AAK1: variants seen among roughly 807,000 people sequenced by gnomAD.
The protein encoded by AAK1 is AP2-associated protein kinase 1.
AAK1 carries 37 observed loss-of-function variants against 116.0 expected under a neutral mutation model. The observed-to-expected ratio is 0.32, with a 90% CI of 0.25 to 0.42. The LOEUF (loss-of-function observed/expected upper bound fraction) is 0.42. AAK1 is among the 10% of genes least tolerant of loss of function. AAK1 has a pLI of 1.00. For missense variants in AAK1, 919 were observed against 1,170.6 expected, an observed-to-expected ratio of 0.79 and a Z score of 3.14; for synonymous variants, 458 against 439.9, an observed-to-expected ratio of 1.04 and a Z score of -0.51.
At position 69,475,343 on chromosome 2, in the gene AAK1, C is replaced by T. The variant is rs533929537; in HGVS notation, c.*526G>A. On this transcript the variant is annotated 3_prime_UTR_variant, in exon 22 of 22. Transcript: ENST00000409085. ...GTAAGTTTTACCCTTTCTTAAACCA[C>T]ACACCCATCTCCAGGCTACTGCCTA... The T allele has an allele frequency of 1.0e-6, 1 of 986,760 alleles. No homozygotes were observed. The highest frequency in any genetic ancestry group is 1.7e-5 in the African/African-American group (1 of 57,366). 61.1% of individuals were successfully genotyped at this position (986,760 alleles called of 1,614,324 possible).
intron 2 of AAK1, among the ~76,000 whole-genome samples, chr2:69,576,696 A>T (rs1389914018): frequency 6.6e-6 from 1 of 152,226 alleles, no homozygotes; most frequent in African/African-American, 2.4e-5. Context: ...AATGAAAATG[A>T]TTAGCTCAAT....
intron 2 of AAK1, among the ~76,000 whole-genome samples, chr2:69,577,518 C>A (rs1483797717): frequency 6.6e-6 from 1 of 152,164 alleles, no homozygotes; most frequent in Non-Finnish European, 1.5e-5. Flanking sequence ...ATCCCCTCTA[C>A]CCTCCATGAC....
Position 69,492,401 on chromosome 2 carries a change from A to G in AAK1, c.2365+3584T>C, listed in dbSNP as rs186556446. Reference sequence around the variant, plus strand: ...GCTAATTTTTGTATTTTTAGTAGAGACAGGGTCCCACCATGTTGGCCAGAT... The same window carrying G: ...GCTAATTTTTGTATTTTTAGTAGAGGCAGGGTCCCACCATGTTGGCCAGAT... On this transcript the variant is annotated intron_variant, in intron 17 of 21. Coordinates refer to ENST00000409085, the MANE Select transcript of AAK1 (RefSeq NM_014911.5). Among the ~76,000 whole-genome samples the G allele has an allele frequency of 2.1e-3, 322 of 152,014 alleles. 4 individuals carry two copies. The highest frequency in any genetic ancestry group is 3.5e-3 in the Non-Finnish European group (241 of 67,986).
intron 17 of AAK1, among the ~76,000 whole-genome samples, chr2:69,484,091 T>C (rs929310388): frequency 6.6e-6 from 1 of 152,236 alleles, no homozygotes; most frequent in Non-Finnish European, 1.5e-5. Flanking sequence ...GTCAACAACG[T>C]TCTTTTAAAC....
intron 17 of AAK1, among the ~76,000 whole-genome samples, chr2:69,486,518 T>C (rs1675308248): frequency 1.3e-5 from 2 of 151,982 alleles, no homozygotes; most frequent in Admixed American, 1.3e-4. Flanking sequence ...GGCACAAAGC[T>C]GGGAGTGAGA....
In AAK1 at chr2:69,471,583, C is replaced by A. The variant is rs76968937; in HGVS notation, c.*4286G>T. 1,754 of 985,410 alleles carry A rather than the reference C, an allele frequency of 1.8e-3. 38 individuals are homozygous for A. In the African/African-American group the frequency reaches 0.028, roughly 16 times the overall value. The allele number at this position is 985,410 out of a possible 1,614,324, so 61.0% of individuals were successfully genotyped here. On this transcript the variant is annotated 3_prime_UTR_variant, in exon 22 of 22. Coordinates refer to ENST00000409085, the MANE Select transcript of AAK1 (RefSeq NM_014911.5). ...AACCCGGCACACTGGGCAATCCTGT[C>A]ATTTTCATCCCAAAGCTCAAAGTTA...
At chr2:69,527,517 G>T (rs1006396419) in intron 8 of AAK1, among the ~76,000 whole-genome samples, 198 bp from the exon 9 acceptor site, 3 of 151,932 alleles carry the variant, frequency 2.0e-5, no homozygotes, top group African/African-American at 7.3e-5. Flanking sequence ...ATATCCATAA[G>T]AAAATAAAAT....
intron 16 of AAK1, among the ~76,000 whole-genome samples, chr2:69,497,334 G>T (rs1469360368): frequency 9.7e-6 from 1 of 102,876 alleles, no homozygotes; most frequent in Non-Finnish European, 1.8e-5. Context: ...ATGGAGTCTT[G>T]CTCTGTTGCC....
At chr2:69,529,913 T>G in intron 8 of AAK1, 95 bp downstream of exon 8, 1 of 1,113,318 alleles carries the variant, frequency 9.0e-7, no homozygotes, top group Non-Finnish European at 1.2e-6. Context: ...CCTTTGCATC[T>G]AACTCATTAC....
chr2:69,580,778 C>T (rs1204117729), intron 2 of AAK1, among the ~76,000 whole-genome samples: 2 of 152,200 alleles, frequency 1.3e-5, no homozygotes, highest in Non-Finnish European at 2.9e-5. Context: ...CTCAGCTCTC[C>T]TATCTATAAA....
chr2:69,479,153 C>T (rs1674986753), intron 19 of AAK1, 92 bp from the exon 20 acceptor site: 2 of 912,924 alleles, frequency 2.2e-6, no homozygotes, highest in African/African-American at 3.3e-5. Flanking sequence ...TTTTAAGTTA[C>T]TGCATTTACA....
At chr2:69,531,787 T>C (rs1318310534) in intron 6 of AAK1, 1 of 1,209,092 alleles carries the variant, frequency 8.3e-7, no homozygotes, top group Admixed American at 3.7e-5. Flanking sequence ...AATCAAAACA[T>C]CTATGTACAA....
chr2:69,485,497 T>C (rs1014670030), intron 17 of AAK1, among the ~76,000 whole-genome samples: 1 of 151,882 alleles, frequency 6.6e-6, no homozygotes, highest in Non-Finnish European at 1.5e-5. Context: ...TGGAGCATCC[T>C]GCACTCAATT....
In AAK1 at chr2:69,528,883, C is replaced by T. The variant is rs78263446; in HGVS notation, c.871+1125G>A. 7.4e-3 allele frequency among the ~76,000 whole-genome samples: 1,121 copies of T among 152,282 alleles called. 14 individuals carry two copies. The highest frequency in any genetic ancestry group is 0.026 in the African/African-American group (1,073 of 41,562). On this transcript the variant is annotated intron_variant, in intron 8 of 21. Coordinates refer to ENST00000409085, the MANE Select transcript of AAK1 (RefSeq NM_014911.5). The stretch of plus-strand genomic sequence containing the variant: ...CAAAGTTGGCCATTTTCCCATATTT[C>T]CTACCAATCTCACTTACATACCTGG...
At chr2:69,624,057 A>G (rs1674789000) in intron 2 of AAK1, among the ~76,000 whole-genome samples, 1 of 152,170 alleles carries the variant, frequency 6.6e-6, no homozygotes. Flanking sequence ...AGAAAAAGAA[A>G]AGAGAAGGAA....
intron 2 of AAK1, among the ~76,000 whole-genome samples, chr2:69,637,920 T>A (rs1675521186): frequency 6.6e-6 from 1 of 152,232 alleles, no homozygotes; most frequent in Admixed American, 6.5e-5. Flanking sequence ...TTATTTGTTA[T>A]TAAATGAGCT....
At chr2:69,592,069 A>G (rs1372561190) in intron 2 of AAK1, among the ~76,000 whole-genome samples, 1 of 152,222 alleles carries the variant, frequency 6.6e-6, no homozygotes, top group African/African-American at 2.4e-5. Context: ...AAGAACCAAG[A>G]TCTTTCATTG....
At chr2:69,567,130 T>C (rs2105109632) in intron 2 of AAK1, among the ~76,000 whole-genome samples, 1 of 152,322 alleles carries the variant, frequency 6.6e-6, no homozygotes, top group South Asian at 2.1e-4. Context: ...GAGCCTTCTT[T>C]CTTCTTCAGC....
In AAK1 at chr2:69,469,997, A is replaced by C; in HGVS notation, c.*5872T>G. 1 of 985,408 alleles carries C rather than the reference A, an allele frequency of 1.0e-6. No homozygotes were observed. The highest frequency in any genetic ancestry group is 4.7e-5 in the South Asian group (1 of 21,282). 61.0% of individuals were successfully genotyped at this position (985,408 alleles called of 1,614,324 possible). ...CCAGCTCCCTATTCACTTCCAAAGC[A>C]ACCCAAAGTGCTGAATCATTTAGGA... On this transcript the variant is annotated 3_prime_UTR_variant, in exon 22 of 22. Transcript: ENST00000409085.
Sources: gnomAD v4.1 joint callset for allele counts (sites outside exome capture counted in the v4.1 genomes callset) on GRCh38, gnomAD v4.1.1 for gene constraint, MANE v1.5 for transcripts, NCBI Gene and HGNC (gene_info 2026-07-23, HGNC 2026-07-21) for gene names.